DMD: variants seen among roughly 807,000 people sequenced by gnomAD.
DMD encodes the protein dystrophin, also known as mutant dystrophin.
A neutral mutation model predicts 330.1 loss-of-function variants in DMD; 63 were observed. The observed-to-expected ratio is 0.19, with a 90% CI of 0.16 to 0.24. The LOEUF is 0.24. Among genes scored for constraint, DMD ranks in the 10% least tolerant of loss-of-function variants. The pLI, the probability that DMD is intolerant of heterozygous loss-of-function variation, is 1.00. For synonymous variants in DMD, 1,223 were observed against 959.8 expected (o/e 1.27, Z -5.07); for missense variants, 3,344 against 2,684.1 (o/e 1.25, Z -5.43).
intron 44 of DMD, among the ~76,000 whole-genome samples, chrX:32,089,021 T>G (rs2096458781): frequency 9.0e-6 from 1 of 111,696 alleles, no homozygotes; most frequent in East Asian, 2.8e-4. Context: ...CAATACGCTA[T>G]ATTTAGGTAT....
At chrX:32,760,099 T>C (rs1049998417) in intron 7 of DMD, among the ~76,000 whole-genome samples, 9 of 112,251 alleles carry the variant, frequency 8.0e-5, no homozygotes, top group Non-Finnish European at 5.6e-5. Flanking sequence ...TAATTATTCT[T>C]CTTAAATGTC....
intron 44 of DMD, among the ~76,000 whole-genome samples, chrX:32,032,117 G>A (rs2095889350): frequency 9.0e-6 from 1 of 111,174 alleles, no homozygotes; most frequent in South Asian, 3.7e-4. Context: ...TTAGGTTAAT[G>A]CTGACCGAAA....
At chrX:31,240,327 A>G (rs996276633) in intron 63 of DMD, among the ~76,000 whole-genome samples, 8 of 112,330 alleles carry the variant, frequency 7.1e-5, no homozygotes, top group African/African-American at 2.6e-4. Context: ...ATATGCAAAA[A>G]TATTTACAGA....
At chrX:32,851,460 A>C (rs1053519567) in intron 2 of DMD, among the ~76,000 whole-genome samples, 12 of 112,525 alleles carry the variant, frequency 1.1e-4, no homozygotes, top group Non-Finnish European at 2.2e-4. Context: ...GAATAGCTTT[A>C]CTAGGAGGGA....
chrX:32,252,699 TATATATAAATATATAA>T lies in DMD; in HGVS notation c.6290+34814_6290+34829del, dbSNP rs1569553607. 4.5e-4 allele frequency among the ~76,000 whole-genome samples: 21 copies of T among 46,278 alleles called. 1 individual carries two copies. The highest frequency in any genetic ancestry group is 7.6e-4 in the Non-Finnish European group (20 of 26,473). 40.2% of individuals were successfully genotyped at this position (46,278 alleles called of 115,157 possible). A position where few individuals can be genotyped will look rare whatever the true frequency, so the allele number is the denominator to read the frequency against. The stretch of plus-strand genomic sequence containing the variant: ...ATAAATATATAAATATATATATAAA[TATATATAAATATATAA>T]ATATATATAAATATATAAATATATA... On this transcript the variant is annotated intron_variant, in intron 43 of 78. Coordinates refer to ENST00000357033, the MANE Select transcript of DMD (RefSeq NM_004006.3).
At chrX:31,748,784 C>G (rs5927833) in intron 51 of DMD, among the ~76,000 whole-genome samples, 31,180 of 110,913 alleles carry the variant, frequency 0.28, 3,086 homozygotes, top group East Asian at 0.44. Context: ...TGTACTTACA[C>G]CCTTTTATAG....
chrX:31,222,558 T>C lies in DMD; in HGVS notation c.9361+489A>G, dbSNP rs973257364. 7.2e-5 allele frequency among the ~76,000 whole-genome samples: 8 copies of C among 111,262 alleles called. No homozygotes were observed. In the Admixed American group the frequency reaches 7.6e-4, roughly 11 times the overall value. On this transcript the variant is annotated intron_variant, in intron 64 of 78. Coordinates refer to ENST00000357033, the MANE Select transcript of DMD (RefSeq NM_004006.3). The stretch of plus-strand genomic sequence containing the variant: ...TAACACTTCAGGATTTTTCCACAGA[T>C]GTATGATAAAAAAGGAGGAAAGCAA...
At chrX:31,952,761 G>A (rs773496278) in intron 45 of DMD, among the ~76,000 whole-genome samples, 123 of 111,937 alleles carry the variant, frequency 1.1e-3, no homozygotes, top group Non-Finnish European at 1.3e-3. Flanking sequence ...ACAGTTGAAC[G>A]TATCGTAAAT....
intron 13 of DMD, among the ~76,000 whole-genome samples, chrX:32,592,173 G>C (rs906370293): frequency 9.9e-5 from 11 of 111,490 alleles, no homozygotes; most frequent in Non-Finnish European, 1.9e-4. Context: ...CAGATCCACA[G>C]AGAAACCCCT....
At chrX:31,757,706 C>T (rs931571002) in intron 51 of DMD, among the ~76,000 whole-genome samples, 1 of 110,198 alleles carries the variant, frequency 9.1e-6, no homozygotes, top group Non-Finnish European at 1.9e-5. Flanking sequence ...TAATCACCCC[C>T]CCAAACCCCC....
chrX:31,912,875 A>G (rs1193039801), intron 47 of DMD, among the ~76,000 whole-genome samples: 2 of 112,742 alleles, frequency 1.8e-5, no homozygotes, highest in African/African-American at 6.4e-5. Flanking sequence ...GGCTTTGGCC[A>G]ATGGGATAGT....
At position 32,241,044 on chromosome X, in the gene DMD, G is replaced by C. The variant is rs144221893; in HGVS notation, c.6291-23981C>G. On this transcript the variant is annotated intron_variant, in intron 43 of 78. Coordinates refer to ENST00000357033, the MANE Select transcript of DMD (RefSeq NM_004006.3). ...TTCATCTCATTGACTTGATATGTCT[G>C]TGCAGATGTCTCTTCTTCCATTTTA... Among the ~76,000 whole-genome samples, 291 of 112,222 alleles carry C rather than the reference G, an allele frequency of 2.6e-3. 2 individuals carry two copies. The highest frequency in any genetic ancestry group is 9.2e-3 in the African/African-American group (286 of 30,919).
At chrX:31,190,985 G>A (rs2042288063) in intron 67 of DMD, among the ~76,000 whole-genome samples, 1 of 111,821 alleles carries the variant, frequency 8.9e-6, no homozygotes, top group African/African-American at 3.3e-5. Flanking sequence ...AGGGTAGAGA[G>A]AGCAAAAGGG....
intron 47 of DMD, among the ~76,000 whole-genome samples, chrX:31,889,539 A>C (rs1377298003): frequency 1.8e-5 from 2 of 109,459 alleles, no homozygotes; most frequent in African/African-American, 3.3e-5. Context: ...TCACTAAATA[A>C]TGTGATTTTG....
In DMD at chrX:32,749,648, G is replaced by A. The variant is rs1424382986; in HGVS notation, c.650-50355C>T. ...AATATTTCAAGTTCTTAACACGTTTGGACATTATTTGAGGATCCTGGCTAA... is the reference window on the plus strand; with the variant it reads ...AATATTTCAAGTTCTTAACACGTTTAGACATTATTTGAGGATCCTGGCTAA... On this transcript the variant is annotated intron_variant, in intron 7 of 78. Transcript: ENST00000357033. Among the ~76,000 whole-genome samples the A allele has an allele frequency of 2.7e-5, 3 of 112,509 alleles. No homozygotes were observed. In the Admixed American group the frequency reaches 2.8e-4, roughly 11 times the overall value.
At chrX:31,515,671 G>A (rs1185030020) in intron 55 of DMD, among the ~76,000 whole-genome samples, 1 of 111,972 alleles carries the variant, frequency 8.9e-6, no homozygotes, top group Non-Finnish European at 1.9e-5. Flanking sequence ...GAATCAGAAA[G>A]GTGTAAAAGG....
chrX:32,034,948 T>C (rs1403996678), intron 44 of DMD, among the ~76,000 whole-genome samples: 1 of 111,985 alleles, frequency 8.9e-6, no homozygotes, highest in Non-Finnish European at 1.9e-5. Context: ...ATTTCTTGCT[T>C]TGTAGGTCAA....
At chrX:33,011,011 T>C (rs2093691820) in intron 2 of DMD, among the ~76,000 whole-genome samples, 1 of 111,561 alleles carries the variant, frequency 9.0e-6, no homozygotes, top group Non-Finnish European at 1.9e-5. Context: ...TGCGTTTTGC[T>C]GCATCGTTTT....
chrX:32,562,197 G>A (rs182696099), intron 16 of DMD, among the ~76,000 whole-genome samples: 1 of 111,807 alleles, frequency 8.9e-6, no homozygotes, highest in African/African-American at 3.2e-5. Flanking sequence ...GATAGCAAGA[G>A]TTATTATCTC....
Sources: allele counts gnomAD v4.1 joint callset (sites outside exome capture counted in the v4.1 genomes callset), GRCh38; gene constraint gnomAD v4.1.1; transcripts MANE v1.5; gene names NCBI Gene and HGNC (gene_info 2026-07-23, HGNC 2026-07-21).